Variants in TENM4 observed in about 807,000 individuals in gnomAD.
TENM4 encodes the protein teneurin transmembrane protein 4, also known as teneurin-4.
Under a neutral mutation model 243.3 loss-of-function variants are expected in TENM4, and 82 were observed. The ratio of observed to expected loss-of-function variants is 0.34; its 90% CI spans 0.28 to 0.40. The LOEUF (loss-of-function observed/expected upper bound fraction) is 0.40, where lower values mean the gene tolerates loss of function less well. TENM4 is among the 10% of genes least tolerant of loss of function. TENM4 has a pLI of 1.00. For missense variants in TENM4, 3,138 were observed against 3,673.3 expected (o/e 0.85, Z 3.77); for synonymous variants, 1,412 against 1,456.3 (o/e 0.97, Z 0.69).
chr11:79,090,510 C>T (rs888550713), intron 4 of TENM4, among the ~76,000 whole-genome samples: 1 of 152,228 alleles, frequency 6.6e-6, no homozygotes, highest in Non-Finnish European at 1.5e-5. Context: ...GCAACTCATT[C>T]GTTCTGCATT....
intron 12 of TENM4, among the ~76,000 whole-genome samples, chr11:78,837,984 T>C (rs1170572033): frequency 1.3e-5 from 2 of 152,174 alleles, no homozygotes; most frequent in Admixed American, 1.3e-4. Context: ...ATTTTTATGG[T>C]TTAATACAAA....
intron 6 of TENM4, among the ~76,000 whole-genome samples, chr11:78,998,471 A>G (rs985810852): frequency 9.9e-5 from 15 of 152,264 alleles, no homozygotes; most frequent in Admixed American, 1.3e-4. Flanking sequence ...AAGGAAATGT[A>G]AAGTTTGACA....
chr11:78,657,185 G>A lies in TENM4; in HGVS notation c.*873C>T. On this transcript the variant is annotated 3_prime_UTR_variant, in exon 34 of 34. Coordinates refer to ENST00000278550, the MANE Select transcript of TENM4 (RefSeq NM_001098816.3). ...TCACATCTGGCTTTGGGAGAAAGGA[G>A]GAGATGAACAGGAACATCATGGAGG... The A allele has an allele frequency of 2.5e-6, 1 of 398,774 alleles. No individual in the cohort carries two copies. Among genetic ancestry groups the A allele is most frequent in the Admixed American group, 4.4e-5 (1 of 22,738 alleles). 24.7% of individuals were successfully genotyped at this position (398,774 alleles called of 1,614,324 possible). A position where few individuals can be genotyped will look rare whatever the true frequency, so the allele number is the denominator to read the frequency against.
chr11:79,330,365 G>A (rs961293715), intron 1 of TENM4, among the ~76,000 whole-genome samples: 1 of 152,148 alleles, frequency 6.6e-6, no homozygotes, highest in Non-Finnish European at 1.5e-5. Flanking sequence ...TTCCTGAATC[G>A]CTGGCCTCTG....
intron 22 of TENM4, among the ~76,000 whole-genome samples, chr11:78,726,451 A>C (rs1382748402): frequency 6.6e-6 from 1 of 152,254 alleles, no homozygotes; most frequent in Non-Finnish European, 1.5e-5. Flanking sequence ...AGTTAAAATA[A>C]ATGTACCAAT....
At chr11:79,421,551 A>G (rs1858931136) in intron 1 of TENM4, among the ~76,000 whole-genome samples, 1 of 152,178 alleles carries the variant, frequency 6.6e-6, no homozygotes, top group East Asian at 1.9e-4. Context: ...TCTCCCAGAG[A>G]GAGTTCATAT....
intron 6 of TENM4, among the ~76,000 whole-genome samples, chr11:79,002,589 CACCTTAT>C (rs1171911125): frequency 6.6e-6 from 1 of 152,166 alleles, no homozygotes; most frequent in Non-Finnish European, 1.5e-5. Context: ...TGAGTGAATC[CACCTTAT>C]ACCAAAATCA....
At chr11:78,928,789 A>C (rs1420306296) in intron 6 of TENM4, among the ~76,000 whole-genome samples, 1 of 152,232 alleles carries the variant, frequency 6.6e-6, no homozygotes, top group East Asian at 1.9e-4. Context: ...TTAAAGTGAC[A>C]TGGACCTGGA....
At chr11:78,959,407 C>T (rs941534192) in intron 6 of TENM4, among the ~76,000 whole-genome samples, 2 of 152,150 alleles carry the variant, frequency 1.3e-5, no homozygotes, top group South Asian at 2.1e-4. Context: ...GCTACATCTA[C>T]GTACCAGGGC....
intron 20 of TENM4, among the ~76,000 whole-genome samples, chr11:78,736,477 T>TGTGTGTGTGTGTGTGCGC (rs1328804792): frequency 1.4e-3 from 144 of 102,116 alleles, no homozygotes; most frequent in African/African-American, 4.7e-3. Context: ...TGTGTGTGTG[T>TGTGTGTGTGTGTGTGCGC]GTGCGCGCGC....
chr11:79,246,753 A>G (rs1015015914), intron 2 of TENM4, among the ~76,000 whole-genome samples: 1 of 152,172 alleles, frequency 6.6e-6, no homozygotes, highest in African/African-American at 2.4e-5. Flanking sequence ...ATGCCAAACA[A>G]TAAAGGAAAG....
chr11:79,343,387 G>C lies in TENM4; in HGVS notation c.-320-45844C>G, dbSNP rs76496867. Among the ~76,000 whole-genome samples the C allele has an allele frequency of 1.7e-3, 254 of 152,292 alleles. 2 individuals are homozygous for C. The highest frequency in any genetic ancestry group is 5.7e-3 in the African/African-American group (235 of 41,546). On this transcript the variant is annotated intron_variant, in intron 1 of 33. Transcript: ENST00000278550. The stretch of plus-strand genomic sequence containing the variant: ...CACAAATGGAAAATGTTAGAGCTGG[G>C]TCACACACAGAGGTCTGCTGGCTCC...
rs943983706 is a variant in TENM4, at chr11:79,262,121, G to A, written c.-265+35367C>T. Among the ~76,000 whole-genome samples, 8 of 152,182 alleles carry A rather than the reference G, an allele frequency of 5.3e-5. No homozygotes were observed. In the East Asian group the frequency reaches 9.6e-4, roughly 18 times the overall value. On this transcript the variant is annotated intron_variant, in intron 2 of 33. Transcript: ENST00000278550. ...TGTGAGTACCCATCACGTGCCAGGC[G>A]CCACCTGCATCTTCTGAGACACGAT...
chr11:79,130,527 C>T (rs562249395), intron 4 of TENM4, among the ~76,000 whole-genome samples: 1 of 152,016 alleles, frequency 6.6e-6, no homozygotes, highest in East Asian at 1.9e-4. Flanking sequence ...AAACAGACAG[C>T]TTAAAAGAAA....
At chr11:79,067,392 G>T (rs757674680) in intron 5 of TENM4, among the ~76,000 whole-genome samples, 1 of 152,038 alleles carries the variant, frequency 6.6e-6, no homozygotes, top group Non-Finnish European at 1.5e-5. Flanking sequence ...TCCTGCTCTC[G>T]CCCCCTGTCC....
intron 2 of TENM4, among the ~76,000 whole-genome samples, chr11:79,234,845 C>T (rs1441053132): frequency 6.6e-6 from 1 of 152,188 alleles, no homozygotes; most frequent in African/African-American, 2.4e-5. Context: ...GTGGGGCCCG[C>T]AGTGAGCCTT....
At chr11:79,166,503 C>T (rs921151949) in intron 3 of TENM4, among the ~76,000 whole-genome samples, 1 of 152,126 alleles carries the variant, frequency 6.6e-6, no homozygotes, top group South Asian at 2.1e-4. Flanking sequence ...TTAAGAATAT[C>T]CATGATGAGG....
At chr11:79,219,923 C>CACTG (rs1308360942) in intron 2 of TENM4, among the ~76,000 whole-genome samples, 1 of 152,244 alleles carries the variant, frequency 6.6e-6, no homozygotes, top group Non-Finnish European at 1.5e-5. Context: ...AAAACAACAA[C>CACTG]ACTGACTGCA....
intron 2 of TENM4, among the ~76,000 whole-genome samples, chr11:79,281,387 C>A (rs1413314285): frequency 6.6e-6 from 1 of 152,174 alleles, no homozygotes; most frequent in African/African-American, 2.4e-5. Context: ...GTCTTATTTT[C>A]ATAAGAGATG....
Sources: gnomAD v4.1 joint callset for allele counts (sites outside exome capture counted in the v4.1 genomes callset) on GRCh38, gnomAD v4.1.1 for gene constraint, MANE v1.5 for transcripts, NCBI Gene and HGNC (gene_info 2026-07-23, HGNC 2026-07-21) for gene names.